The following RGL1 variants were observed in gnomAD, a reference collection of about 807,000 sequenced individuals.
RGL1 encodes the protein ral guanine nucleotide dissociation stimulator like 1.
In RGL1, 24 loss-of-function variants were observed where a neutral mutation model predicts 95.2. The observed-to-expected ratio is 0.25, with a 90% CI of 0.18 to 0.35. RGL1 has a LOEUF of 0.35. Among genes scored for constraint, RGL1 ranks in the 10% least tolerant of loss-of-function variants. The probability of loss-of-function intolerance (pLI) is 1.00; values close to 1 mark genes in which losing one functional copy is unlikely to be tolerated. For synonymous variants in RGL1, 329 were observed against 344.9 expected (o/e 0.95, Z 0.51); for missense variants, 715 against 936.3 (o/e 0.76, Z 3.08).
intron 14 of RGL1, among the ~76,000 whole-genome samples, chr1:183,909,137 T>C (rs1271928626): frequency 6.6e-6 from 1 of 152,260 alleles, no homozygotes; most frequent in Admixed American, 6.5e-5. Flanking sequence ...GGGCATCTAT[T>C]ATGAAAGCAG....
At chr1:183,871,811 G>A (rs976245332) in intron 4 of RGL1, among the ~76,000 whole-genome samples, 5 of 152,182 alleles carry the variant, frequency 3.3e-5, no homozygotes, top group Non-Finnish European at 5.9e-5. Flanking sequence ...TCCCACATGC[G>A]GAGTACTTGT....
At chr1:183,747,002 T>C (rs185389306) in intron 2 of RGL1, among the ~76,000 whole-genome samples, 299 of 152,334 alleles carry the variant, frequency 2.0e-3, no homozygotes, top group African/African-American at 6.7e-3. Context: ...TTTTTATGGC[T>C]GCATTGTATT....
chr1:183,815,055 T>C (rs1661991769), intron 2 of RGL1, among the ~76,000 whole-genome samples: 1 of 152,120 alleles, frequency 6.6e-6, no homozygotes, highest in Non-Finnish European at 1.5e-5. Context: ...GTGGATCACT[T>C]GAGGTCAAGA....
chr1:183,916,296 C>T, intron 15 of RGL1, 151 bp from the exon 16 acceptor site: 1 of 915,978 alleles, frequency 1.1e-6, no homozygotes, highest in Non-Finnish European at 1.7e-6. Flanking sequence ...AGAGTACTTA[C>T]ACCAGGGATG....
chr1:183,722,791 G>C (rs951492197), intron 1 of RGL1, among the ~76,000 whole-genome samples: 3 of 152,174 alleles, frequency 2.0e-5, no homozygotes, highest in African/African-American at 7.2e-5. Context: ...GAGTTGGCCA[G>C]CACACCTGCA....
At chr1:183,659,412 A>G (rs910014901) in intron 1 of RGL1, among the ~76,000 whole-genome samples, 2 of 152,262 alleles carry the variant, frequency 1.3e-5, no homozygotes, top group Non-Finnish European at 2.9e-5. Flanking sequence ...GGAAGAATGC[A>G]GAAGCCTCAG....
intron 1 of RGL1, among the ~76,000 whole-genome samples, chr1:183,696,088 C>T (rs2102127010): frequency 6.6e-6 from 1 of 152,280 alleles, no homozygotes; most frequent in South Asian, 2.1e-4. Flanking sequence ...AGTCCAATTA[C>T]CATCCTCTGA....
intron 4 of RGL1, among the ~76,000 whole-genome samples, chr1:183,879,920 C>T (rs761714305): frequency 2.0e-5 from 3 of 152,176 alleles, no homozygotes; most frequent in Middle Eastern, 3.2e-3. Context: ...ACCTTGTCTT[C>T]CCCTAGGTGG....
Position 183,815,092 on chromosome 1 carries a change from T to G in RGL1, c.138+8607T>G, listed in dbSNP as rs142305941. On this transcript the variant is annotated intron_variant, in intron 2 of 17. Coordinates refer to ENST00000360851, the MANE Select transcript of RGL1 (RefSeq NM_001297671.3). ...TTCAAGACCAGCCTGGCCAACATGG[T>G]GAAAACCCACGTCTCTACTAAACAT... Among the ~76,000 whole-genome samples, 331 of 152,112 alleles carry G rather than the reference T, an allele frequency of 2.2e-3. 2 individuals are homozygous for G. The highest frequency in any genetic ancestry group is 7.7e-3 in the African/African-American group (319 of 41,490).
intron 1 of RGL1, among the ~76,000 whole-genome samples, 156 bp from the exon 2 acceptor site, chr1:183,806,219 A>G (rs1335756560): frequency 1.3e-5 from 2 of 152,066 alleles, no homozygotes. Context: ...TCCCTCTATC[A>G]AAATGTGTCT....
chr1:183,890,793 A>G (rs754358272), intron 8 of RGL1, among the ~76,000 whole-genome samples: 1 of 152,040 alleles, frequency 6.6e-6, no homozygotes, highest in Non-Finnish European at 1.5e-5. Context: ...ATCAGTGGTT[A>G]CCTAGGGCTG....
chr1:183,751,806 G>A (rs187188496), intron 2 of RGL1, among the ~76,000 whole-genome samples: 6 of 152,266 alleles, frequency 3.9e-5, no homozygotes, highest in African/African-American at 1.4e-4. Context: ...AGGGGAGGGA[G>A]TTCCCTGACC....
At chr1:183,774,129 G>A (rs958619244) in intron 2 of RGL1, among the ~76,000 whole-genome samples, 2 of 152,206 alleles carry the variant, frequency 1.3e-5, no homozygotes, top group Non-Finnish European at 2.9e-5. Flanking sequence ...ATGAGGACAA[G>A]TAATCCTTTT....
intron 1 of RGL1, among the ~76,000 whole-genome samples, chr1:183,729,587 A>G (rs946354601): frequency 1.3e-5 from 2 of 152,190 alleles, no homozygotes; most frequent in African/African-American, 2.4e-5. Flanking sequence ...AAAGTTAAAC[A>G]TAGATTTACC....
intron 12 of RGL1, among the ~76,000 whole-genome samples, chr1:183,903,083 G>C (rs1572579098): frequency 6.6e-6 from 1 of 151,826 alleles, no homozygotes; most frequent in Non-Finnish European, 1.5e-5. Context: ...GCCATTCCAC[G>C]GTATATACAT....
chr1:183,682,865 G>A (rs911017278), intron 1 of RGL1, among the ~76,000 whole-genome samples: 4 of 151,996 alleles, frequency 2.6e-5, no homozygotes, highest in Non-Finnish European at 5.9e-5. Flanking sequence ...TATTGGGTGC[G>A]TATATATTTA....
chr1:183,839,849 A>G (rs1663918457), intron 2 of RGL1, among the ~76,000 whole-genome samples: 1 of 152,242 alleles, frequency 6.6e-6, no homozygotes, highest in East Asian at 1.9e-4. Context: ...CTCACCCATC[A>G]TAAGGGTCAT....
chr1:183,920,453 A>G (rs932943253), intron 16 of RGL1, among the ~76,000 whole-genome samples: 56 of 152,224 alleles, frequency 3.7e-4, no homozygotes, highest in Non-Finnish European at 4.4e-5. Context: ...AGCTGTGAAT[A>G]CTCATTGTAA....
chr1:183,901,539 C>CT (rs1668025609), intron 11 of RGL1, among the ~76,000 whole-genome samples: 1 of 152,070 alleles, frequency 6.6e-6, no homozygotes, highest in Admixed American at 6.6e-5. Flanking sequence ...CCCCACAAGA[C>CT]TTTAATGTTG....
Sources: allele counts gnomAD v4.1 joint callset (sites outside exome capture counted in the v4.1 genomes callset), GRCh38; gene constraint gnomAD v4.1.1; transcripts MANE v1.5; gene names NCBI Gene and HGNC (gene_info 2026-07-23, HGNC 2026-07-21).